Variants in NREP observed in about 807,000 individuals in gnomAD.
NREP encodes neuronal regeneration related protein.
In NREP, 5 loss-of-function variants were observed where a neutral mutation model predicts 8.6. The observed-to-expected ratio is 0.58, with a 90% CI of 0.30 to 1.22. The LOEUF is 1.22. Ranked by LOEUF, NREP falls within the 50% of genes most tolerant of loss-of-function variation. The pLI is 0.07. For missense variants in NREP, 86 were observed against 82.5 expected, an observed-to-expected ratio of 1.04 and a Z score of -0.17; for synonymous variants, 27 against 28.0, an observed-to-expected ratio of 0.96 and a Z score of 0.11.
At chr5:111,875,267 C>T (rs1172740795) in intron 2 of NREP, among the ~76,000 whole-genome samples, 1 of 151,942 alleles carries the variant, frequency 6.6e-6, no homozygotes, top group African/African-American at 2.4e-5. Flanking sequence ...ACTCTAAAAA[C>T]ATCTTGTAAT....
intron 2 of NREP, among the ~76,000 whole-genome samples, chr5:111,959,719 A>C (rs1391907528): frequency 6.6e-6 from 1 of 152,054 alleles, no homozygotes; most frequent in Non-Finnish European, 1.5e-5. Context: ...AAAAATTACT[A>C]AGTTGAACAC....
intron 2 of NREP, among the ~76,000 whole-genome samples, chr5:111,837,572 A>G (rs1752925442): frequency 6.6e-6 from 1 of 152,128 alleles, no homozygotes; most frequent in African/African-American, 2.4e-5. Flanking sequence ...ATAAGACTTT[A>G]TCTTACCTTT....
rs1415808326 is a variant in NREP at position 111,945,591 on chromosome 5, A to G, written c.135+29683T>C. On this transcript the variant is annotated intron_variant, in intron 2 of 3. Coordinates refer to the NREP transcript ENST00000395634. ...AAAGAGGAAAGTCAGAAAGAATACA[A>G]GGGTTTGTTTTGTTGAAAGTGACAT... Among the ~76,000 whole-genome samples, 8 of 152,102 alleles carry G rather than the reference A, an allele frequency of 5.3e-5. No homozygotes were observed. The South Asian group carries it at 1.7e-3, about 32-fold the overall frequency.
rs146239690 is a variant in NREP, at chr5:111,790,605, T to C, written c.136-55098A>G. On this transcript the variant is annotated intron_variant, in intron 2 of 3. Transcript: ENST00000395634. ...TGATATCCTTTCTCAAAAATAAGCATAATTTTAAAAGGTTTCGCCTATCCA... is the reference window on the plus strand; with the variant it reads ...TGATATCCTTTCTCAAAAATAAGCACAATTTTAAAAGGTTTCGCCTATCCA... Among the ~76,000 whole-genome samples, 38 of 152,180 alleles carry C rather than the reference T, an allele frequency of 2.5e-4. 1 individual carries two copies. The highest frequency in any genetic ancestry group is 4.6e-4 in the African/African-American group (19 of 41,530).
At chr5:111,922,698 T>A (rs970476622) in intron 2 of NREP, among the ~76,000 whole-genome samples, 1 of 152,154 alleles carries the variant, frequency 6.6e-6, no homozygotes, top group African/African-American at 2.4e-5. Context: ...CTTCCCTAGA[T>A]GAAAAGTTTG....
chr5:111,873,895 TTCTTCCCACTC>T (rs1753845280), intron 2 of NREP, among the ~76,000 whole-genome samples: 1 of 152,168 alleles, frequency 6.6e-6, no homozygotes, highest in Non-Finnish European at 1.5e-5. Context: ...ATCTTGCATC[TTCTTCCCACTC>T]TCTTCCCATT....
chr5:111,851,802 G>A (rs1753316719), intron 2 of NREP, among the ~76,000 whole-genome samples: 1 of 152,168 alleles, frequency 6.6e-6, no homozygotes, highest in African/African-American at 2.4e-5. Context: ...ATAACTGTGT[G>A]AGGTAATGTA....
chr5:111,810,150 G>C (rs1752238876), intron 2 of NREP, among the ~76,000 whole-genome samples: 1 of 152,088 alleles, frequency 6.6e-6, no homozygotes, highest in South Asian at 2.1e-4. Context: ...AAATAAGTTG[G>C]AGTAGAGAGG....
intron 2 of NREP, among the ~76,000 whole-genome samples, chr5:111,791,469 T>C (rs1257322096): frequency 6.6e-6 from 1 of 152,168 alleles, no homozygotes; most frequent in Admixed American, 6.5e-5. Flanking sequence ...GACCTCATTT[T>C]GACACAAACT....
chr5:111,943,287 C>A (rs541293715), intron 2 of NREP, among the ~76,000 whole-genome samples: 1 of 152,046 alleles, frequency 6.6e-6, no homozygotes, highest in Non-Finnish European at 1.5e-5. Flanking sequence ...ACTCCCTATA[C>A]ATCTTCTTGC....
At chr5:111,773,145 AT>A (rs919297627) in intron 2 of NREP, among the ~76,000 whole-genome samples, 2 of 151,528 alleles carry the variant, frequency 1.3e-5, no homozygotes, top group Non-Finnish European at 2.9e-5. Context: ...TTTTTTTTAA[AT>A]TTTTTTTTAA....
chr5:111,798,738 T>G (rs1181198164), intron 2 of NREP, among the ~76,000 whole-genome samples: 10 of 21,906 alleles, frequency 4.6e-4, no homozygotes, highest in Non-Finnish European at 1.0e-4. Flanking sequence ...TTCCATGGTG[T>G]GTGTGTGTGT....
chr5:111,829,902 T>A (rs1246478196), intron 2 of NREP, among the ~76,000 whole-genome samples: 1 of 152,208 alleles, frequency 6.6e-6, no homozygotes, highest in East Asian at 1.9e-4. Flanking sequence ...TATTGACTAC[T>A]ATACCAGCTC....
chr5:111,734,746 C>A (rs1417022184), intron 3 of NREP: 1 of 699,646 alleles, frequency 1.4e-6, no homozygotes, highest in Non-Finnish European at 2.6e-6. Flanking sequence ...TTCTTAACTG[C>A]AAAATCAGCA....
In NREP at chr5:111,765,234, A is replaced by C. The variant is rs186123099; in HGVS notation, c.136-29727T>G. ...TTGTGCAGTTCACAGTAGGGTTCACAGTCCTATGAGAATCTAATGCCACCA... is the reference window on the plus strand; with the variant it reads ...TTGTGCAGTTCACAGTAGGGTTCACCGTCCTATGAGAATCTAATGCCACCA... On this transcript the variant is annotated intron_variant, in intron 2 of 3. Transcript: ENST00000395634. Among the ~76,000 whole-genome samples, 14 of 152,300 alleles carry C rather than the reference A, an allele frequency of 9.2e-5. No individual in the cohort carries two copies. In the East Asian group the frequency reaches 2.7e-3, roughly 29 times the overall value.
At chr5:111,880,591 C>A (rs992618102) in intron 2 of NREP, among the ~76,000 whole-genome samples, 1 of 152,104 alleles carries the variant, frequency 6.6e-6, no homozygotes, top group Non-Finnish European at 1.5e-5. Flanking sequence ...GGATTAGGGA[C>A]CATCATAAAG....
chr5:111,930,061 G>T (rs1014339257), intron 2 of NREP, among the ~76,000 whole-genome samples: 6 of 152,184 alleles, frequency 3.9e-5, no homozygotes, highest in African/African-American at 1.2e-4. Flanking sequence ...GACTTGGGGT[G>T]AGCAATGCTG....
intron 2 of NREP, among the ~76,000 whole-genome samples, chr5:111,900,816 G>A (rs10068091): frequency 0.13 from 19,714 of 152,074 alleles, 1,704 homozygotes; most frequent in African/African-American, 0.24. Flanking sequence ...CTTTACTGCT[G>A]AATTCTACCA....
At chr5:111,810,240 A>T (rs529005872) in intron 2 of NREP, among the ~76,000 whole-genome samples, 1 of 152,276 alleles carries the variant, frequency 6.6e-6, no homozygotes, top group Admixed American at 6.5e-5. Flanking sequence ...TGTGAGGAAG[A>T]AGCAGAAAAA....
Sources: allele counts gnomAD v4.1 joint callset (sites outside exome capture counted in the v4.1 genomes callset), GRCh38; gene constraint gnomAD v4.1.1; transcripts MANE v1.5; gene names NCBI Gene and HGNC (gene_info 2026-07-23, HGNC 2026-07-21).